The following NAV3 variants were observed in gnomAD, a reference collection of about 807,000 sequenced individuals.
The protein encoded by NAV3 is neuron navigator 3, also known as pore membrane and/or filament interacting like protein 1.
In NAV3, 87 loss-of-function variants were observed where a neutral mutation model predicts 244.7. The ratio of observed to expected loss-of-function variants is 0.36; its 90% CI spans 0.30 to 0.42. NAV3 has a LOEUF of 0.42. Ranked by LOEUF, NAV3 falls within the 20% of genes least tolerant of loss-of-function variation. The pLI is 1.00. For synonymous variants in NAV3, 1,126 were observed against 1,042.2 expected, an observed-to-expected ratio of 1.08 and a Z score of -1.55; for missense variants, 2,663 against 2,893.3, an observed-to-expected ratio of 0.92 and a Z score of 1.83.
intron 12 of NAV3, among the ~76,000 whole-genome samples, chr12:78,114,161 C>G (rs1386570591): frequency 3.3e-5 from 5 of 152,174 alleles, no homozygotes; most frequent in Non-Finnish European, 5.9e-5. Context: ...TTTCATTGTC[C>G]ATATCATTAT....
intron 2 of NAV3, among the ~76,000 whole-genome samples, chr12:77,728,400 G>T (rs1345846510): frequency 6.6e-6 from 1 of 150,572 alleles, no homozygotes; most frequent in East Asian, 1.9e-4. Context: ...ACTAGAGACA[G>T]AAAGAATAAT....
chr12:77,724,413 T>A (rs1048013009), intron 2 of NAV3, among the ~76,000 whole-genome samples: 5 of 151,976 alleles, frequency 3.3e-5, no homozygotes, highest in Non-Finnish European at 5.9e-5. Flanking sequence ...TATGAATATA[T>A]AACTGGAGGA....
At chr12:77,677,575 A>G (rs1874260631) in intron 2 of NAV3, among the ~76,000 whole-genome samples, 1 of 152,240 alleles carries the variant, frequency 6.6e-6, no homozygotes, top group Non-Finnish European at 1.5e-5. Context: ...CTCTTAAGCA[A>G]GTTATTCAAC....
intron 2 of NAV3, among the ~76,000 whole-genome samples, chr12:77,795,063 T>C (rs1338278211): frequency 6.6e-6 from 1 of 152,172 alleles, no homozygotes; most frequent in Non-Finnish European, 1.5e-5. Flanking sequence ...ATTAAGCTTA[T>C]TGAAGAAGGC....
At chr12:77,648,011 A>T (rs576936945) in intron 2 of NAV3, among the ~76,000 whole-genome samples, 41 of 152,212 alleles carry the variant, frequency 2.7e-4, no homozygotes, top group African/African-American at 9.9e-4. Context: ...TGACACAACA[A>T]AGAGAAGAAA....
rs11105759 is a variant in NAV3, at chr12:77,581,700, C to T, written c.72+9434C>T. Among the ~76,000 whole-genome samples, 229 of 152,146 alleles carry T rather than the reference C, an allele frequency of 1.5e-3. 7 individuals carry two copies. The South Asian group carries it at 0.044, about 29-fold the overall frequency. On this transcript the variant is annotated intron_variant, in intron 2 of 8. Transcript: ENST00000550042. ...TGATCCACTCAAATTAGTAATCCTG[C>T]TCTTATAATGTGTTTTATATATTGG...
chr12:77,976,662 C>CTTTTTTTTTTTTTTTTTTTTTTTT (rs869100684), intron 5 of NAV3, among the ~76,000 whole-genome samples: 3 of 77,398 alleles, frequency 3.9e-5, no homozygotes, highest in Non-Finnish European at 2.5e-5. Flanking sequence ...TTCTTTCTTT[C>CTTTTTTTTTTTTTTTTTTTTTTTT]TTTCTTTTTT....
intron 1 of NAV3, 110 bp from the exon 2 acceptor site, chr12:77,940,209 G>A: frequency 1.3e-6 from 1 of 761,266 alleles, no homozygotes; most frequent in Non-Finnish European, 2.2e-6. Flanking sequence ...TTCTTAAACT[G>A]GAATGTGATC....
At chr12:77,707,165 C>T (rs1875859013) in intron 2 of NAV3, among the ~76,000 whole-genome samples, 2 of 150,648 alleles carry the variant, frequency 1.3e-5, no homozygotes, top group Non-Finnish European at 3.0e-5. Context: ...CCCATTAACT[C>T]GTCATTTACA....
At chr12:77,577,764 T>C (rs1869159684) in intron 2 of NAV3, among the ~76,000 whole-genome samples, 1 of 152,168 alleles carries the variant, frequency 6.6e-6, no homozygotes, top group South Asian at 2.1e-4. Flanking sequence ...TCAGTTTTAA[T>C]TCTGATTTTT....
intron 7 of NAV3, among the ~76,000 whole-genome samples, chr12:78,005,927 G>A (rs142359958): frequency 6.7e-6 from 1 of 149,970 alleles, no homozygotes; most frequent in East Asian, 2.0e-4. Flanking sequence ...TTTTTTTTTT[G>A]AGAGAGAGTC....
intron 2 of NAV3, 92 bp downstream of exon 2, chr12:77,940,528 T>C: frequency 1.2e-6 from 1 of 868,810 alleles, no homozygotes; most frequent in South Asian, 1.7e-5. Flanking sequence ...ACTGAACTGG[T>C]CCATGTGTCT....
chr12:77,894,873 A>C (rs895615189), intron 1 of NAV3, among the ~76,000 whole-genome samples: 1 of 152,224 alleles, frequency 6.6e-6, no homozygotes, highest in Non-Finnish European at 1.5e-5. Flanking sequence ...AAAAGTTTCA[A>C]GTTTAAAAAA....
chr12:77,805,910 A>G (rs12303063), intron 2 of NAV3, among the ~76,000 whole-genome samples: 3,216 of 152,168 alleles, frequency 0.021, 112 homozygotes, highest in African/African-American at 0.074. Flanking sequence ...TGTATGTGTC[A>G]AGGAATTTAT....
At position 78,095,075 on chromosome 12, in the gene NAV3, A is replaced by ATATATATATATATG. The variant is rs1566123706; in HGVS notation, c.2637-21697_2637-21696insTATATATATATATG. 2.2e-3 allele frequency among the ~76,000 whole-genome samples: 321 copies of ATATATATATATATG among 146,870 alleles called. 3 individuals are homozygous for ATATATATATATATG. The highest frequency in any genetic ancestry group is 9.7e-3 in the East Asian group (49 of 5,064). ...TATATATATATATATACACACACAC[A>ATATATATATATATG]CACACACACACACATATATATATAC... On this transcript the variant is annotated intron_variant, in intron 12 of 39. Transcript: ENST00000397909.
chr12:78,064,604 A>T (rs1328445459), intron 12 of NAV3, among the ~76,000 whole-genome samples: 1 of 152,128 alleles, frequency 6.6e-6, no homozygotes. Flanking sequence ...AAATACAGTC[A>T]CATTGCAGGT....
chr12:77,951,576 C>A (rs150247702), intron 3 of NAV3, among the ~76,000 whole-genome samples: 13,014 of 152,064 alleles, frequency 0.086, 742 homozygotes, highest in East Asian at 0.21. Flanking sequence ...TTGGTATATA[C>A]CCAAAGGATT....
intron 2 of NAV3, among the ~76,000 whole-genome samples, chr12:77,763,689 G>A (rs1405362986): frequency 6.6e-6 from 1 of 152,166 alleles, no homozygotes; most frequent in East Asian, 1.9e-4. Context: ...TGCCCTGTGG[G>A]AGGGACCCCT....
At chr12:77,715,090 A>G (rs1050875792) in intron 2 of NAV3, among the ~76,000 whole-genome samples, 1 of 152,050 alleles carries the variant, frequency 6.6e-6, no homozygotes, top group Non-Finnish European at 1.5e-5. Flanking sequence ...AGCAAGAACT[A>G]TAAAAACTTA....
Sources: allele counts gnomAD v4.1 joint callset (sites outside exome capture counted in the v4.1 genomes callset), GRCh38; gene constraint gnomAD v4.1.1; transcripts MANE v1.5; gene names NCBI Gene and HGNC (gene_info 2026-07-23, HGNC 2026-07-21).